The following CDH8 variants were observed in gnomAD, a reference collection of about 807,000 sequenced individuals.
CDH8 encodes cadherin-8.
CDH8 carries 17 observed loss-of-function variants against 68.1 expected under a neutral mutation model. The observed-to-expected ratio is 0.25, with a 90% CI of 0.17 to 0.37. The LOEUF (loss-of-function observed/expected upper bound fraction) is 0.37. Ranked by LOEUF, CDH8 falls within the 10% of genes least tolerant of loss-of-function variation. The pLI is 1.00. For missense variants in CDH8, 763 were observed against 999.3 expected, an observed-to-expected ratio of 0.76 and a Z score of 3.19; for synonymous variants, 372 against 365.1, an observed-to-expected ratio of 1.02 and a Z score of -0.21.
At chr16:61,963,220 CA>C (rs1367535264) in intron 2 of CDH8, among the ~76,000 whole-genome samples, 2 of 152,028 alleles carry the variant, frequency 1.3e-5, no homozygotes, top group Non-Finnish European at 2.9e-5. Context: ...AGGGGGGAGA[CA>C]AAAAACTGGA....
intron 8 of CDH8, among the ~76,000 whole-genome samples, chr16:61,733,903 T>G (rs1959605229): frequency 6.6e-6 from 1 of 152,024 alleles, no homozygotes; most frequent in Non-Finnish European, 1.5e-5. Context: ...CTCAAAACAT[T>G]CAAACTAATT....
In CDH8 at chr16:61,699,731, C is replaced by T. The variant is rs556734674; in HGVS notation, c.1654+14110G>A. 3.3e-5 allele frequency among the ~76,000 whole-genome samples: 5 copies of T among 152,120 alleles called. No homozygotes were observed. The East Asian group carries it at 7.8e-4, about 24-fold the overall frequency. ...TTGGGATTACAGGCACCCACCACCA[C>T]GCCTGGTTAATTTTTATATTTTTAG... On this transcript the variant is annotated intron_variant, in intron 10 of 11. Coordinates refer to ENST00000577390, the MANE Select transcript of CDH8 (RefSeq NM_001796.5).
Position 61,910,656 on chromosome 16 carries a change from T to C in CDH8, c.253-9183A>G, listed in dbSNP as rs565501923. On this transcript the variant is annotated intron_variant, in intron 2 of 11. Coordinates refer to ENST00000577390, the MANE Select transcript of CDH8 (RefSeq NM_001796.5). The stretch of plus-strand genomic sequence containing the variant: ...ATTATTAACATTAGATAATAGATAA[T>C]GCTGTTAAAGGCACGATATGTCCCA... 1.1e-4 allele frequency among the ~76,000 whole-genome samples: 17 copies of C among 152,266 alleles called. 1 individual carries two copies. Among genetic ancestry groups the C allele is most frequent in the African/African-American group, 3.8e-4 (16 of 41,560 alleles).
intron 2 of CDH8, among the ~76,000 whole-genome samples, chr16:61,936,157 C>T (rs921759804): frequency 1.2e-4 from 18 of 152,052 alleles, no homozygotes; most frequent in Non-Finnish European, 2.9e-5. Flanking sequence ...GCATATCTGT[C>T]ATTGTATATA....
At chr16:61,755,765 TCTTCTC>T (rs138172833) in intron 8 of CDH8, among the ~76,000 whole-genome samples, 50,074 of 150,872 alleles carry the variant, frequency 0.33, 8,577 homozygotes, top group Middle Eastern at 0.46. Flanking sequence ...TTTTTCTTCT[TCTTCTC>T]CTTCTCCTTC....
chr16:61,947,477 A>G (rs1964819453), intron 2 of CDH8, among the ~76,000 whole-genome samples: 1 of 152,158 alleles, frequency 6.6e-6, no homozygotes, highest in Non-Finnish European at 1.5e-5. Context: ...TGAATAATAC[A>G]TGGTCCCTGC....
rs184408928 is a variant in CDH8, at chr16:61,855,549, A to G, written c.667+1570T>C. Among the ~76,000 whole-genome samples, 2 of 152,088 alleles carry G rather than the reference A, an allele frequency of 1.3e-5. 1 individual carries two copies. The highest frequency in any genetic ancestry group is 2.9e-5 in the Non-Finnish European group (2 of 68,016). On this transcript the variant is annotated intron_variant, in intron 4 of 11. Transcript: ENST00000577390. ...AGTGCCTGGCACACAGTGAATGTGT[A>G]TAGGTATGTCAATAGGTATTTTCTG...
intron 5 of CDH8, among the ~76,000 whole-genome samples, chr16:61,824,235 T>G (rs1013821644): frequency 6.6e-6 from 1 of 151,838 alleles, no homozygotes; most frequent in Admixed American, 6.6e-5. Context: ...ATAATAATAA[T>G]AATAAGTATG....
intron 10 of CDH8, among the ~76,000 whole-genome samples, chr16:61,665,807 T>TTC (rs1567410685): frequency 2.8e-5 from 2 of 70,312 alleles, no homozygotes; most frequent in African/African-American, 5.3e-5. Flanking sequence ...TTCCTTCCTT[T>TTC]CCCTCCTTCC....
Position 61,960,336 on chromosome 16 carries a change from C to T in CDH8, c.253-58863G>A, listed in dbSNP as rs552517662. Among the ~76,000 whole-genome samples, 2 of 42,284 alleles carry T rather than the reference C, an allele frequency of 4.7e-5. 1 individual carries two copies. The highest frequency in any genetic ancestry group is 6.2e-4 in the African/African-American group (2 of 3,204). The allele number at this position is 42,284 out of a possible 152,430, so 27.7% of individuals were successfully genotyped here. A position where few individuals can be genotyped will look rare whatever the true frequency, so the allele number is the denominator to read the frequency against. ...ACATATATACGTGTGTGTGTATACACACATATATACATGTGTGTGTGTATA... is the reference window on the plus strand; with the variant it reads ...ACATATATACGTGTGTGTGTATACATACATATATACATGTGTGTGTGTATA... On this transcript the variant is annotated intron_variant, in intron 2 of 11. Transcript: ENST00000577390.
chr16:61,878,328 C>T (rs1189438694), intron 3 of CDH8, among the ~76,000 whole-genome samples: 1 of 152,120 alleles, frequency 6.6e-6, no homozygotes, highest in African/African-American at 2.4e-5. Context: ...TGAAGTCATA[C>T]CTACCTTAAA....
At chr16:61,943,678 T>C (rs142107505) in intron 2 of CDH8, among the ~76,000 whole-genome samples, 76 of 152,346 alleles carry the variant, frequency 5.0e-4, no homozygotes, top group Admixed American at 1.8e-3. Flanking sequence ...ATGTACTGTG[T>C]TAACTTTGGA....
intron 4 of CDH8, among the ~76,000 whole-genome samples, chr16:61,842,231 T>C (rs1383215997): frequency 6.6e-6 from 1 of 152,014 alleles, no homozygotes; most frequent in Non-Finnish European, 1.5e-5. Flanking sequence ...TTTTAATGTT[T>C]GCTCCCTCTT....
chr16:61,693,123 A>C (rs1482736644), intron 10 of CDH8: 1 of 152,204 alleles, frequency 6.6e-6, no homozygotes, highest in Non-Finnish European at 1.5e-5. Flanking sequence ...ATGGCAACAA[A>C]AATTACTAAT....
intron 1 of CDH8, among the ~76,000 whole-genome samples, chr16:62,034,182 C>A (rs1263860539): frequency 7.6e-6 from 1 of 131,844 alleles, no homozygotes; most frequent in Non-Finnish European, 1.6e-5. Context: ...ATATATATAT[C>A]TCTCTCTCAA....
intron 2 of CDH8, among the ~76,000 whole-genome samples, chr16:61,933,639 A>T (rs1285637198): frequency 6.6e-6 from 1 of 152,202 alleles, no homozygotes; most frequent in African/African-American, 2.4e-5. Context: ...GATTGAAGAC[A>T]TATTTATTGG....
At chr16:61,722,884 C>A (rs911210150) in intron 9 of CDH8, among the ~76,000 whole-genome samples, 3 of 150,658 alleles carry the variant, frequency 2.0e-5, no homozygotes, top group African/African-American at 7.3e-5. Context: ...ATTTTTGTTT[C>A]TCTTTTTTAA....
chr16:62,010,478 A>G (rs904514719), intron 2 of CDH8, among the ~76,000 whole-genome samples: 3 of 152,188 alleles, frequency 2.0e-5, no homozygotes, highest in Admixed American at 6.5e-5. Context: ...CTTCTAGTGG[A>G]AATGACTATT....
chr16:61,741,894 C>T (rs1484143877), intron 8 of CDH8, among the ~76,000 whole-genome samples: 1 of 152,154 alleles, frequency 6.6e-6, no homozygotes, highest in East Asian at 1.9e-4. Flanking sequence ...CACATGCACA[C>T]TCACACACAC....
Sources: gnomAD v4.1 joint callset for allele counts (sites outside exome capture counted in the v4.1 genomes callset) on GRCh38, gnomAD v4.1.1 for gene constraint, MANE v1.5 for transcripts, NCBI Gene and HGNC (gene_info 2026-07-23, HGNC 2026-07-21) for gene names.